The following NCOR1 variants were observed in gnomAD, a reference collection of about 807,000 sequenced individuals.
The protein encoded by NCOR1 is protein phosphatase 1, regulatory subunit 109.
In NCOR1, 63 loss-of-function variants were observed where a neutral mutation model predicts 288.1. The observed-to-expected ratio is 0.22, with a 90% CI of 0.18 to 0.27. NCOR1 has a LOEUF of 0.27. Among genes scored for constraint, NCOR1 ranks in the 10% least tolerant of loss-of-function variants. The pLI is 1.00. For missense variants in NCOR1, 2,397 were observed against 3,019.2 expected (o/e 0.79, Z 4.83); for synonymous variants, 1,007 against 1,065.9 (o/e 0.94, Z 1.08).
chr17:16,142,596 T>C (rs2077307928), intron 11 of NCOR1, among the ~76,000 whole-genome samples: 1 of 152,146 alleles, frequency 6.6e-6, no homozygotes, highest in Non-Finnish European at 1.5e-5. Context: ...AATTAAACAC[T>C]AGGCAACAGG....
At chr17:16,151,716 G>A in intron 8 of NCOR1, 1 of 1,165,048 alleles carries the variant, frequency 8.6e-7, no homozygotes, top group Non-Finnish European at 1.2e-6. Context: ...TATAAAACCA[G>A]CTAGTTTTAT....
intron 18 of NCOR1, among the ~76,000 whole-genome samples, 161 bp from the exon 19 acceptor site, chr17:16,109,073 TA>T (rs1158575916): frequency 6.6e-6 from 1 of 152,154 alleles, no homozygotes; most frequent in African/African-American, 2.4e-5. Flanking sequence ...TACCTCTCCA[TA>T]ATCACTAACT....
intron 2 of NCOR1, chr17:16,191,751 T>C (rs2088388792): frequency 6.6e-6 from 1 of 152,046 alleles, no homozygotes; most frequent in Admixed American, 6.6e-5. Context: ...TGCTCAAATT[T>C]TATGAAAATT....
At chr17:16,120,781 TA>T (rs1386398671) in intron 16 of NCOR1, among the ~76,000 whole-genome samples, 1 of 151,994 alleles carries the variant, frequency 6.6e-6, no homozygotes, top group African/African-American at 2.4e-5. Context: ...ACACAGCCAT[TA>T]AAAAATAAAA....
chr17:16,139,840 A>G (rs1437695690), intron 11 of NCOR1, among the ~76,000 whole-genome samples: 1 of 152,204 alleles, frequency 6.6e-6, no homozygotes, highest in Non-Finnish European at 1.5e-5. Flanking sequence ...TTCTATTTAA[A>G]AGCTTTTACC....
At chr17:16,102,757 C>A (rs1409575620) in intron 19 of NCOR1, among the ~76,000 whole-genome samples, 3 of 152,090 alleles carry the variant, frequency 2.0e-5, no homozygotes, top group Non-Finnish European at 2.9e-5. Context: ...CCATGCCCGG[C>A]TAATTTTTGT....
intron 6 of NCOR1, among the ~76,000 whole-genome samples, chr17:16,157,729 T>C (rs2080051386): frequency 1.3e-5 from 2 of 152,118 alleles, no homozygotes; most frequent in Non-Finnish European, 2.9e-5. Context: ...TATCATTTTT[T>C]GCACTGTGGA....
At chr17:16,150,804 T>G (rs2078724150) in intron 8 of NCOR1, among the ~76,000 whole-genome samples, 1 of 152,130 alleles carries the variant, frequency 6.6e-6, no homozygotes, top group Non-Finnish European at 1.5e-5. Flanking sequence ...GCAAGGTATA[T>G]TATATGTGAG....
At chr17:16,161,279 A>G (rs1188497018) in intron 5 of NCOR1, among the ~76,000 whole-genome samples, 1 of 146,256 alleles carries the variant, frequency 6.8e-6, no homozygotes, top group African/African-American at 2.6e-5. Flanking sequence ...ACACTCCCTC[A>G]CCTGTTTTTG....
At chr17:16,116,172 G>T (rs188788724) in intron 18 of NCOR1, among the ~76,000 whole-genome samples, 2 of 152,120 alleles carry the variant, frequency 1.3e-5, no homozygotes, top group East Asian at 1.9e-4. Context: ...TGAGAAAAAG[G>T]CCTGCCCCAT....
At chr17:16,197,584 T>A (rs773812421) in intron 1 of NCOR1, among the ~76,000 whole-genome samples, 7 of 152,114 alleles carry the variant, frequency 4.6e-5, no homozygotes, top group Admixed American at 4.6e-4. Flanking sequence ...AATCTGAAGA[T>A]CAGAGAAAGT....
At chr17:16,032,882 A>G (rs1972484073) in intron 45 of NCOR1, among the ~76,000 whole-genome samples, 1 of 152,244 alleles carries the variant, frequency 6.6e-6, no homozygotes, top group Non-Finnish European at 1.5e-5. Context: ...ACAAGTACCC[A>G]GGAACGTCTG....
intron 1 of NCOR1, among the ~76,000 whole-genome samples, chr17:16,199,162 A>C (rs2090369816): frequency 6.6e-6 from 1 of 150,536 alleles, no homozygotes; most frequent in Admixed American, 6.7e-5. Flanking sequence ...AAAAAAAAAA[A>C]AGTCAGTTTT....
chr17:16,167,766 A>C (rs1437998958), intron 4 of NCOR1, among the ~76,000 whole-genome samples: 10 of 148,446 alleles, frequency 6.7e-5, no homozygotes, highest in Admixed American at 6.7e-4. Context: ...AGGCTGAGGC[A>C]GGAGAATGGC....
intron 40 of NCOR1, among the ~76,000 whole-genome samples, chr17:16,056,414 C>G (rs917459598): frequency 2.1e-5 from 3 of 146,026 alleles, no homozygotes; most frequent in African/African-American, 7.7e-5. Context: ...CAGGTTCAAG[C>G]GATTCTTCTG....
chr17:16,085,176 C>T (rs2152853631), intron 23 of NCOR1, among the ~76,000 whole-genome samples: 1 of 152,200 alleles, frequency 6.6e-6, no homozygotes, highest in South Asian at 2.1e-4. Context: ...ATGAAAAGTG[C>T]CCAACATTGT....
At chr17:16,057,228 T>C (rs1347563107) in intron 40 of NCOR1, 6 of 377,360 alleles carry the variant, frequency 1.6e-5, no homozygotes, top group Non-Finnish European at 3.0e-5. Context: ...ACCACTGAAG[T>C]GTCCCCAAAC....
intron 1 of NCOR1, among the ~76,000 whole-genome samples, chr17:16,196,146 TATAAC>T (rs1315401681): frequency 1.3e-5 from 2 of 149,118 alleles, no homozygotes; most frequent in African/African-American, 2.4e-5. Flanking sequence ...TATATAAAAA[TATAAC>T]ATATATAATT....
chr17:16,143,331 A>C (rs1327312948), intron 11 of NCOR1, among the ~76,000 whole-genome samples: 4 of 151,882 alleles, frequency 2.6e-5, no homozygotes, highest in Non-Finnish European at 5.9e-5. Context: ...CATCCCTACC[A>C]CTGTTGCCCT....
Sources: gnomAD v4.1 joint callset for allele counts (sites outside exome capture counted in the v4.1 genomes callset) on GRCh38, gnomAD v4.1.1 for gene constraint, MANE v1.5 for transcripts, NCBI Gene and HGNC (gene_info 2026-07-23, HGNC 2026-07-21) for gene names.